Variants in BPIFA1 observed in about 807,000 individuals in gnomAD.
BPIFA1 encodes the protein BPI fold containing family A member 1, also known as BPI fold-containing family A member 1.
BPIFA1 carries 24 observed loss-of-function variants against 25.1 expected under a neutral mutation model. That is an observed-to-expected ratio of 0.96 (90% CI 0.69 to 1.35). The LOEUF is 1.35. Among genes scored for constraint, BPIFA1 ranks in the 40% most tolerant of loss-of-function variants. The pLI, the probability that BPIFA1 is intolerant of heterozygous loss-of-function variation, is 0.00. For synonymous variants in BPIFA1, 139 were observed against 131.8 expected, an observed-to-expected ratio of 1.05 and a Z score of -0.37; for missense variants, 344 against 303.7, an observed-to-expected ratio of 1.13 and a Z score of -0.99.
intron 4 of BPIFA1, 83 bp from the exon 5 acceptor site, chr20:33,240,150 C>A: frequency 6.4e-7 from 1 of 1,562,288 alleles, no homozygotes; most frequent in Non-Finnish European, 8.7e-7. Context: ...TGAGGTGAGG[C>A]TAGCATTCTT....
chr20:33,237,821 A>C lies in BPIFA1; in HGVS notation c.110A>C (p.Asn37Thr), dbSNP rs1978753792. ...PLDQTLPLNVNPALPLSPTGL... is the reference protein window; with the variant it reads ...PLDQTLPLNVTPALPLSPTGL... ...GACCAGACCCTGCCCTTGAATGTGA[A>C]TCCAGCCCTGCCCTTGAGTCCCACA... The change falls in exon 2 of 9, where the codon AAT becomes ACT. Residue 37 changes from asparagine to threonine, a missense_variant. Asn to Thr is a moderately conservative substitution (Grantham distance 65). Transcript: ENST00000354297. The C allele has an allele frequency of 5.6e-6, 9 of 1,600,664 alleles. No individual in the cohort carries two copies. The highest frequency in any genetic ancestry group is 7.7e-6 in the Non-Finnish European group (9 of 1,173,876).
chr20:33,236,508 T>C (rs1978684986), intron 1 of BPIFA1, among the ~76,000 whole-genome samples: 1 of 152,188 alleles, frequency 6.6e-6, no homozygotes, highest in African/African-American at 2.4e-5. Context: ...AGACCTTTCA[T>C]TTCCAGCCTT....
At chr20:33,236,606 G>C (rs1056263099) in intron 1 of BPIFA1, among the ~76,000 whole-genome samples, 2 of 152,206 alleles carry the variant, frequency 1.3e-5, no homozygotes, top group African/African-American at 4.8e-5. Flanking sequence ...GTAGGTACTA[G>C]TGCTGGCTCT....
intron 7 of BPIFA1, 89 bp downstream of exon 7, chr20:33,242,208 T>C (rs1165968019): frequency 7.5e-7 from 1 of 1,338,954 alleles, no homozygotes. Flanking sequence ...CCTAGGATAC[T>C]AGGTCCCTCT....
Position 33,241,472 on chromosome 20 carries a change from A to G in BPIFA1, c.666+3A>G. The G allele has an allele frequency of 6.2e-7, 1 of 1,609,870 alleles. No homozygotes were observed. The highest frequency in any genetic ancestry group is 2.2e-5 in the East Asian group (1 of 44,870). On this transcript the variant is annotated splice_donor_region_variant and intron_variant, in intron 6 of 8. Coordinates refer to ENST00000354297, the MANE Select transcript of BPIFA1 (RefSeq NM_130852.3). The stretch of plus-strand genomic sequence containing the variant: ...TGCCTGAGTTGGTTCAGGGCAACGT[A>G]AGTAGGCAAGGTGGGGATCCCCTGA...
chr20:33,240,373 C>A lies in BPIFA1; in HGVS notation c.569C>A (p.Ser190Tyr). ...CTHSPGSLQI[S>Y]LLDGLGPLPI... ...CATTCCCCTGGAAGCCTGCAAATTTCTCTGCTTGATGGGTGAGGCCAGAGG... is the reference window on the plus strand; with the variant it reads ...CATTCCCCTGGAAGCCTGCAAATTTATCTGCTTGATGGGTGAGGCCAGAGG... Residue 190 changes from serine to tyrosine, a missense_variant, in exon 5 of 9, where the codon TCT becomes TAT. Transcript: ENST00000354297. The A allele has an allele frequency of 4.3e-6, 7 of 1,614,082 alleles. No individual in the cohort carries two copies. Among genetic ancestry groups the A allele is most frequent in the Non-Finnish European group, 5.9e-6 (7 of 1,179,996 alleles).
chr20:33,240,620 AT>A (rs1978920374), intron 5 of BPIFA1, among the ~76,000 whole-genome samples: 1 of 130,886 alleles, frequency 7.6e-6, no homozygotes, highest in African/African-American at 4.3e-5. Flanking sequence ...AGAAGGATGA[AT>A]AGATAGATGG....
Position 33,242,535 on chromosome 20 carries a change from A to G in BPIFA1, c.*8A>G, listed in dbSNP as rs767469503. On this transcript the variant is annotated 3_prime_UTR_variant, in exon 8 of 9. Coordinates refer to ENST00000354297, the MANE Select transcript of BPIFA1 (RefSeq NM_130852.3). ...TTTGTCATCAAGGTCTAAGCCTTCC[A>G]GGAAGGGGCTGGCCTCTGCTGAGCT... 1 of 1,613,990 alleles carries G rather than the reference A, an allele frequency of 6.2e-7. No individual in the cohort carries two copies. Among genetic ancestry groups the G allele is most frequent in the Admixed American group, 1.7e-5 (1 of 60,018 alleles).
rs1171139720 is a variant in BPIFA1 at position 33,242,037 on chromosome 20, C to T, written c.667-19C>T. 6.2e-7 allele frequency: 1 copy of T among 1,612,932 alleles called. No homozygotes were observed. The highest frequency in any genetic ancestry group is 8.5e-7 in the Non-Finnish European group (1 of 1,179,024). On this transcript the variant is annotated intron_variant, in intron 6 of 8. Transcript: ENST00000354297. ...CCAGGGTGCCACTCTGCCTAACTCT[C>T]CTCTCTGCCCCTGGCCAGGTGTGCC...
rs1311456321 is a variant in BPIFA1, at chr20:33,237,774, T to G, written c.63T>G (p.Phe21Leu). 6.3e-7 allele frequency: 1 copy of G among 1,590,938 alleles called. No individual in the cohort carries two copies. The highest frequency in any genetic ancestry group is 8.6e-7 in the Non-Finnish European group (1 of 1,168,316). Residue 21 changes from phenylalanine (F) to leucine (L), a missense_variant, in exon 2 of 9, where the codon TTT becomes TTG. By Grantham distance (22) the Phe-to-Leu change is conservative. Coordinates refer to ENST00000354297, the MANE Select transcript of BPIFA1 (RefSeq NM_130852.3). Reference protein sequence around the residue: ...YGLLAQTMAQFGGLPVPLDQT... With the variant: ...YGLLAQTMAQLGGLPVPLDQT... ...TGTTAGCCCAGACCATGGCCCAGTTTGGAGGCCTGCCCGTGCCCCTGGACC... is the reference window on the plus strand; with the variant it reads ...TGTTAGCCCAGACCATGGCCCAGTTGGGAGGCCTGCCCGTGCCCCTGGACC...
intron 2 of BPIFA1, 72 bp from the exon 3 acceptor site, chr20:33,237,982 TG>T (rs1381825602): frequency 1.3e-6 from 2 of 1,550,618 alleles, no homozygotes; most frequent in African/African-American, 2.8e-5. Flanking sequence ...GGGACAGGGC[TG>T]GATGGGGGAG....
intron 3 of BPIFA1, among the ~76,000 whole-genome samples, chr20:33,238,682 A>G (rs980561693): frequency 7.9e-5 from 12 of 152,226 alleles, no homozygotes; most frequent in African/African-American, 2.9e-4. Flanking sequence ...TAGCGAGAGT[A>G]TAACCTGCCC....
intron 6 of BPIFA1, 70 bp downstream of exon 6, chr20:33,241,539 A>G (rs1978979984): frequency 2.2e-6 from 3 of 1,387,992 alleles, no homozygotes; most frequent in Non-Finnish European, 3.1e-6. Flanking sequence ...CAAAGCCCTG[A>G]GCTAAGTGGG....
At chr20:33,241,809 A>G (rs2146502600) in intron 6 of BPIFA1, among the ~76,000 whole-genome samples, 1 of 152,132 alleles carries the variant, frequency 6.6e-6, no homozygotes, top group Non-Finnish European at 1.5e-5. Flanking sequence ...AGGGCACTCC[A>G]CTCCACTTAG....
Position 33,237,785 on chromosome 20 carries a change from C to A in BPIFA1, c.74C>A (p.Pro25His). The A allele has an allele frequency of 2.5e-6, 4 of 1,597,770 alleles. No homozygotes were observed. The highest frequency in any genetic ancestry group is 3.4e-6 in the Non-Finnish European group (4 of 1,171,548). ...ACCATGGCCCAGTTTGGAGGCCTGC[C>A]CGTGCCCCTGGACCAGACCCTGCCC... is the stretch of plus-strand genomic sequence containing the variant. ...AQTMAQFGGL[P>H]VPLDQTLPLN... The change falls in exon 2 of 9, where the codon CCC becomes CAC. Residue 25 changes from proline (P) to histidine (H), a missense_variant. Physicochemically the swap from Pro to His is moderately conservative, Grantham distance 77 (BLOSUM62 -2). Transcript: ENST00000354297.
chr20:33,237,566 T>A, intron 1 of BPIFA1, 131 bp from the exon 2 acceptor site: 1 of 604,234 alleles, frequency 1.7e-6, no homozygotes, highest in Non-Finnish European at 2.6e-6. Flanking sequence ...TGTTCAGCAG[T>A]ATTAGCTATT....
chr20:33,242,596 G>A (rs1185318242), intron 8 of BPIFA1, 35 bp downstream of exon 8: 2 of 1,521,790 alleles, frequency 1.3e-6, no homozygotes, highest in East Asian at 2.3e-5. Context: ...GGGTTTTGGG[G>A]GCTGGCTGTT....
At chr20:33,243,050 T>C (rs540007846) in intron 8 of BPIFA1, 57 bp from the exon 9 acceptor site, 1 of 162,312 alleles carries the variant, frequency 6.2e-6, no homozygotes, top group African/African-American at 2.4e-5. Context: ...GGGCATGAGT[T>C]TGATGATGAG....
intron 1 of BPIFA1, among the ~76,000 whole-genome samples, chr20:33,236,535 G>T (rs1256833763): frequency 6.6e-6 from 1 of 152,152 alleles, no homozygotes; most frequent in Non-Finnish European, 1.5e-5. Flanking sequence ...CAAGGATGGA[G>T]CTTTAGCTGA....
Sources: gnomAD v4.1 joint callset for allele counts (sites outside exome capture counted in the v4.1 genomes callset) on GRCh38, gnomAD v4.1.1 for gene constraint, MANE v1.5 for transcripts, NCBI Gene and HGNC (gene_info 2026-07-23, HGNC 2026-07-21) for gene names.